Variants in ZNF503 observed in about 807,000 individuals in gnomAD.
The protein encoded by ZNF503 is NocA-like zinc finger 2.
A neutral mutation model predicts 34.4 loss-of-function variants in ZNF503; 15 were observed. The observed-to-expected ratio is 0.44, with a 90% CI of 0.29 to 0.67. ZNF503 has a LOEUF of 0.67. Among genes scored for constraint, ZNF503 ranks in the 30% least tolerant of loss-of-function variants. The pLI, the probability that ZNF503 is intolerant of heterozygous loss-of-function variation, is 0.13. For synonymous variants in ZNF503, 580 were observed against 456.8 expected (o/e 1.27, Z -3.44); for missense variants, 1,007 against 926.8 (o/e 1.09, Z -1.12).
the ZNF503 span, among the ~76,000 whole-genome samples, chr10:75,371,035 G>C: frequency 2.6e-5 from 4 of 152,156 alleles, no homozygotes; most frequent in African/African-American, 4.8e-5. Flanking sequence ...CAGGAAAAAG[G>C]GTCCAGGGAA....
the ZNF503 span, among the ~76,000 whole-genome samples, chr10:75,306,598 T>C: frequency 6.6e-6 from 1 of 152,306 alleles, no homozygotes; most frequent in South Asian, 2.1e-4. Context: ...TGCGCTTTGT[T>C]TTATTGTATT....
the ZNF503 span, among the ~76,000 whole-genome samples, chr10:75,390,789 A>G: frequency 6.6e-6 from 1 of 152,172 alleles, no homozygotes; most frequent in Non-Finnish European, 1.5e-5. Context: ...GTGTTAGTCA[A>G]CTTGGGCTGC....
chr10:75,291,232 TAC>T, the ZNF503 span, among the ~76,000 whole-genome samples: 1 of 152,218 alleles, frequency 6.6e-6, no homozygotes, highest in Non-Finnish European at 1.5e-5. Flanking sequence ...TTGCCTGTGT[TAC>T]AGTTTCTCAG....
the ZNF503 span, among the ~76,000 whole-genome samples, chr10:75,378,516 TCCTC>T: frequency 3.3e-5 from 5 of 151,766 alleles, no homozygotes; most frequent in Non-Finnish European, 7.4e-5. Flanking sequence ...ACCCACTCTC[TCCTC>T]CCTCCCTCCC....
At chr10:75,377,668 G>T in the ZNF503 span, among the ~76,000 whole-genome samples, 1 of 152,120 alleles carries the variant, frequency 6.6e-6, no homozygotes, top group South Asian at 2.1e-4. Context: ...GGTTGAAGTG[G>T]GCATGTGGGA....
the ZNF503 span, among the ~76,000 whole-genome samples, chr10:75,374,683 T>C: frequency 6.6e-6 from 1 of 152,240 alleles, no homozygotes; most frequent in Non-Finnish European, 1.5e-5. Context: ...TCACTGCTTG[T>C]CTTTCTCCAT....
the ZNF503 span, among the ~76,000 whole-genome samples, chr10:75,330,256 C>G: frequency 6.6e-6 from 1 of 152,138 alleles, no homozygotes; most frequent in Non-Finnish European, 1.5e-5. Flanking sequence ...ATTTGGCTTG[C>G]TAATGTTTTA....
the ZNF503 span, among the ~76,000 whole-genome samples, chr10:75,370,022 GCACCA>G: frequency 6.6e-6 from 1 of 151,706 alleles, no homozygotes; most frequent in Non-Finnish European, 1.5e-5. Context: ...AGCCAGGATT[GCACCA>G]CTGCACTCTG....
rs1190313031 is a variant in ZNF503 at position 75,401,199 on chromosome 10, A to T, written c.221T>A (p.Ile74Asn). The T allele has an allele frequency of 6.2e-7, 1 of 1,609,118 alleles. No homozygotes were observed. The highest frequency in any genetic ancestry group is 1.1e-5 in the South Asian group (1 of 90,430). The stretch of plus-strand genomic sequence containing the variant: ...TGCCGTCAGCATCTTCAGCACCTTG[A>T]TTGGCAGGCGGTTGGCCTGGCGCAG... ...DPLRQANRLP[I>N]KVLKMLTART... Residue 74 changes from isoleucine to asparagine, a missense_variant, in exon 1 of 2, where the codon ATC becomes AAC. Coordinates refer to ENST00000372524, the MANE Select transcript of ZNF503 (RefSeq NM_032772.6).
chr10:75,292,000 C>T, the ZNF503 span, among the ~76,000 whole-genome samples: 1 of 152,162 alleles, frequency 6.6e-6, no homozygotes, highest in South Asian at 2.1e-4. Flanking sequence ...GGGCACAAAC[C>T]ACACGGATAG....
chr10:75,355,009 T>G, the ZNF503 span, among the ~76,000 whole-genome samples: 4 of 152,180 alleles, frequency 2.6e-5, no homozygotes, highest in African/African-American at 9.6e-5. Context: ...CAGCTAACTT[T>G]TTTTTTTGTA....
the ZNF503 span, among the ~76,000 whole-genome samples, chr10:75,376,642 A>G: frequency 6.6e-6 from 1 of 150,586 alleles, no homozygotes; most frequent in Non-Finnish European, 1.5e-5. Context: ...AGACTGTCTC[A>G]AAAAAAAACA....
the ZNF503 span, among the ~76,000 whole-genome samples, chr10:75,344,919 C>T: frequency 1.3e-5 from 2 of 152,208 alleles, no homozygotes; most frequent in African/African-American, 4.8e-5. Flanking sequence ...AGCCTCTGCA[C>T]GTCTTTGTCC....
the ZNF503 span, chr10:75,358,977 G>C: frequency 2.6e-5 from 4 of 152,156 alleles, no homozygotes; most frequent in Non-Finnish European, 4.4e-5. Context: ...TGGGTGCAGC[G>C]GTCCTTCTGC....
chr10:75,378,156 G>A, the ZNF503 span, among the ~76,000 whole-genome samples: 1 of 151,980 alleles, frequency 6.6e-6, no homozygotes, highest in Non-Finnish European at 1.5e-5. Flanking sequence ...CTCCCACCAG[G>A]CCCCACCTCC....
the ZNF503 span, among the ~76,000 whole-genome samples, chr10:75,334,323 ATTTTC>A: frequency 6.6e-6 from 1 of 152,186 alleles, no homozygotes; most frequent in African/African-American, 2.4e-5. Flanking sequence ...CTTGGAATTA[ATTTTC>A]TTTAATGTAT....
chr10:75,346,463 C>A, the ZNF503 span, among the ~76,000 whole-genome samples: 6 of 149,592 alleles, frequency 4.0e-5, no homozygotes, highest in Non-Finnish European at 7.4e-5. Context: ...CAGGGTCTTG[C>A]TCTGTCACCC....
At chr10:75,325,454 A>G in the ZNF503 span, among the ~76,000 whole-genome samples, 1 of 152,160 alleles carries the variant, frequency 6.6e-6, no homozygotes, top group Admixed American at 6.5e-5. Context: ...TAGCCTTTTA[A>G]GTAGCTGGGA....
the ZNF503 span, among the ~76,000 whole-genome samples, chr10:75,319,336 T>TA: frequency 6.6e-6 from 1 of 152,212 alleles, no homozygotes; most frequent in Non-Finnish European, 1.5e-5. Flanking sequence ...AGGAATTATT[T>TA]AAAACAACTT....
Sources: allele counts gnomAD v4.1 joint callset (sites outside exome capture counted in the v4.1 genomes callset), GRCh38; gene constraint gnomAD v4.1.1; transcripts MANE v1.5; gene names NCBI Gene and HGNC (gene_info 2026-07-23, HGNC 2026-07-21).